The following TBL1XR1 variants were observed in gnomAD, a reference collection of about 807,000 sequenced individuals.
The protein encoded by TBL1XR1 is F-box-like/WD repeat-containing protein TBL1XR1.
Under a neutral mutation model 66.9 loss-of-function variants are expected in TBL1XR1, and 5 were observed. That is an observed-to-expected ratio of 0.07 (90% CI 0.04 to 0.16). TBL1XR1 has a LOEUF of 0.16. Among genes scored for constraint, TBL1XR1 ranks in the 10% least tolerant of loss-of-function variants. The pLI, the probability that TBL1XR1 is intolerant of heterozygous loss-of-function variation, is 1.00. For synonymous variants in TBL1XR1, 210 were observed against 206.0 expected, an observed-to-expected ratio of 1.02 and a Z score of -0.17; for missense variants, 238 against 623.2, an observed-to-expected ratio of 0.38 and a Z score of 6.58.
At chr3:177,106,683 C>T (rs1724934397) in intron 1 of TBL1XR1, among the ~76,000 whole-genome samples, 1 of 152,130 alleles carries the variant, frequency 6.6e-6, no homozygotes, top group Non-Finnish European at 1.5e-5. Context: ...AGACATAATG[C>T]ATATTAAATA....
chr3:177,127,329 G>A (rs891103106), intron 1 of TBL1XR1, among the ~76,000 whole-genome samples: 5 of 152,162 alleles, frequency 3.3e-5, no homozygotes, highest in African/African-American at 1.2e-4. Context: ...GTAATTCTCA[G>A]TATCATTAAA....
intron 1 of TBL1XR1, among the ~76,000 whole-genome samples, chr3:177,172,005 C>A (rs952553639): frequency 1.1e-4 from 17 of 152,100 alleles, no homozygotes; most frequent in Non-Finnish European, 2.1e-4. Context: ...GTGGCTCACG[C>A]CTGTAATCCC....
At chr3:177,196,292 C>A (rs150978580) in intron 1 of TBL1XR1, 65 of 152,236 alleles carry the variant, frequency 4.3e-4, no homozygotes, top group African/African-American at 1.5e-3. Context: ...ACAACGTGGC[C>A]TTTACACTGT....
rs1164650662 is a variant in TBL1XR1, at chr3:177,084,103, GAAA to G, written c.-46+14360_-46+14362del. Among the ~76,000 whole-genome samples the G allele has an allele frequency of 1.7e-4, 15 of 88,830 alleles. 1 individual carries two copies. The highest frequency in any genetic ancestry group is 5.3e-4 in the African/African-American group (15 of 28,038). 58.3% of individuals were successfully genotyped at this position (88,830 alleles called of 152,430 possible). On this transcript the variant is annotated intron_variant, in intron 2 of 15. Transcript: ENST00000457928. ...ACTCCGTCTCAAAAAAAAAAAAAAAGAAAAAAGAAAAGAAAAGAAAAAACTTAC... is the reference window on the plus strand; with the variant it reads ...ACTCCGTCTCAAAAAAAAAAAAAAAGAAAGAAAAGAAAAGAAAAAACTTAC...
chr3:177,143,829 G>A (rs1729920272), intron 1 of TBL1XR1, among the ~76,000 whole-genome samples: 1 of 152,226 alleles, frequency 6.6e-6, no homozygotes, highest in South Asian at 2.1e-4. Flanking sequence ...CATCTGCAAT[G>A]AAGTGACTAA....
At chr3:177,040,981 C>A (rs1715504332) in intron 10 of TBL1XR1, 1 of 152,092 alleles carries the variant, frequency 6.6e-6, no homozygotes, top group African/African-American at 2.4e-5. Context: ...TAACAAAGTG[C>A]CATATAAAAT....
chr3:177,062,532 T>C (rs1030558343), intron 3 of TBL1XR1, among the ~76,000 whole-genome samples: 7 of 152,318 alleles, frequency 4.6e-5, no homozygotes, highest in Admixed American at 4.6e-4. Context: ...CTGCCATAAG[T>C]CAAAATGTCA....
chr3:177,169,715 T>G (rs1373281875), intron 1 of TBL1XR1, among the ~76,000 whole-genome samples: 1 of 152,204 alleles, frequency 6.6e-6, no homozygotes, highest in Non-Finnish European at 1.5e-5. Flanking sequence ...CCCTCACTCT[T>G]TCTTCACTGG....
At chr3:177,150,982 A>G (rs1018991527) in intron 1 of TBL1XR1, among the ~76,000 whole-genome samples, 1 of 152,268 alleles carries the variant, frequency 6.6e-6, no homozygotes, top group Admixed American at 6.5e-5. Flanking sequence ...AAATAAGGTT[A>G]TAACTATACA....
At chr3:177,156,027 C>A (rs1183298199) in intron 1 of TBL1XR1, among the ~76,000 whole-genome samples, 2 of 151,176 alleles carry the variant, frequency 1.3e-5, no homozygotes, top group African/African-American at 4.9e-5. Flanking sequence ...AAAAAGTAAA[C>A]CATTTTTTAA....
chr3:177,121,109 C>T (rs573086376), intron 1 of TBL1XR1, among the ~76,000 whole-genome samples: 23 of 152,266 alleles, frequency 1.5e-4, no homozygotes, highest in Non-Finnish European at 2.8e-4. Flanking sequence ...TTATAACCTA[C>T]GGCTTGTCAT....
At chr3:177,153,331 CA>C (rs1731117119) in intron 1 of TBL1XR1, among the ~76,000 whole-genome samples, 1 of 152,092 alleles carries the variant, frequency 6.6e-6, no homozygotes, top group African/African-American at 2.4e-5. Flanking sequence ...ACAGCAGATA[CA>C]AGTGGAAAAC....
chr3:177,179,802 C>A (rs1006301877), intron 1 of TBL1XR1, among the ~76,000 whole-genome samples: 1 of 152,146 alleles, frequency 6.6e-6, no homozygotes, highest in African/African-American at 2.4e-5. Flanking sequence ...ACCGATATAT[C>A]TACTAGCAAA....
chr3:177,029,511 C>T (rs1482973442), intron 14 of TBL1XR1, among the ~76,000 whole-genome samples: 1 of 151,960 alleles, frequency 6.6e-6, no homozygotes, highest in Non-Finnish European at 1.5e-5. Flanking sequence ...ATCCCAGCTA[C>T]TTGGAAGGCT....
At chr3:177,055,283 T>G (rs1238785072) in intron 3 of TBL1XR1, among the ~76,000 whole-genome samples, 1 of 152,076 alleles carries the variant, frequency 6.6e-6, no homozygotes, top group African/African-American at 2.4e-5. Context: ...TTTCCTAGCA[T>G]GTGGCTAGGA....
At chr3:177,103,213 G>A (rs1435137098) in intron 1 of TBL1XR1, among the ~76,000 whole-genome samples, 1 of 152,184 alleles carries the variant, frequency 6.6e-6, no homozygotes. Context: ...ACCACTTCCA[G>A]AAGGTGACCA....
chr3:177,079,384 G>C (rs959797107), intron 2 of TBL1XR1: 4 of 148,868 alleles, frequency 2.7e-5, no homozygotes, highest in African/African-American at 1.0e-4. Flanking sequence ...AGTGAGCCAA[G>C]ATCACGACAC....
chr3:177,179,817 A>C (rs1485587581), intron 1 of TBL1XR1, among the ~76,000 whole-genome samples: 3 of 152,242 alleles, frequency 2.0e-5, no homozygotes, highest in Non-Finnish European at 2.9e-5. Context: ...AGCAAAATAC[A>C]CATGAATCAT....
intron 1 of TBL1XR1, among the ~76,000 whole-genome samples, chr3:177,159,720 G>C (rs575286030): frequency 6.6e-6 from 1 of 152,160 alleles, no homozygotes; most frequent in African/African-American, 2.4e-5. Flanking sequence ...CAGCTCCTAC[G>C]AAAGTCCTAA....
Sources: gnomAD v4.1 joint callset for allele counts (sites outside exome capture counted in the v4.1 genomes callset) on GRCh38, gnomAD v4.1.1 for gene constraint, MANE v1.5 for transcripts, NCBI Gene and HGNC (gene_info 2026-07-23, HGNC 2026-07-21) for gene names.